The following ABI3BP variants were observed in gnomAD, a reference collection of about 807,000 sequenced individuals.
The protein encoded by ABI3BP is ABI family member 3 binding protein, also known as target of Nesh-SH3.
In ABI3BP, 216 loss-of-function variants were observed where a neutral mutation model predicts 268.6. The ratio of observed to expected loss-of-function variants is 0.80; its 90% CI spans 0.72 to 0.90. The LOEUF (loss-of-function observed/expected upper bound fraction) is 0.90, where lower values mean the gene tolerates loss of function less well. Among genes scored for constraint, ABI3BP ranks in the 40% least tolerant of loss-of-function variants. The pLI is 0.00. For synonymous variants in ABI3BP, 730 were observed against 730.0 expected (o/e 1.00, Z 0.00); for missense variants, 2,090 against 2,182.4 (o/e 0.96, Z 0.84).
At chr3:100,963,764 T>C (rs1472195171) in intron 1 of ABI3BP, among the ~76,000 whole-genome samples, 2 of 152,170 alleles carry the variant, frequency 1.3e-5, no homozygotes, top group African/African-American at 2.4e-5. Context: ...CCATCCACAG[T>C]AGGGTGTCTG....
rs554351684 is a variant in ABI3BP, at chr3:100,986,854, A to G, written c.79+6452T>C. Among the ~76,000 whole-genome samples the G allele has an allele frequency of 2.6e-5, 4 of 152,336 alleles. No individual in the cohort carries two copies. In the South Asian group the frequency reaches 8.3e-4, roughly 32 times the overall value. ...TTAAATATCATGCCTGATACACAGT[A>G]ATATGGTTATCATCTTTTAAAATGT... On this transcript the variant is annotated intron_variant, in intron 1 of 67. Transcript: ENST00000471714.
At chr3:100,823,638 T>C in intron 36 of ABI3BP, 124 bp from the exon 37 acceptor site, 1 of 706,938 alleles carries the variant, frequency 1.4e-6, no homozygotes, top group Non-Finnish European at 2.2e-6. Flanking sequence ...AATTAACTTC[T>C]TAACTGAAGG....
chr3:100,909,410 AATGGGATCT>A (rs1019063659), intron 2 of ABI3BP, among the ~76,000 whole-genome samples: 21 of 152,130 alleles, frequency 1.4e-4, no homozygotes, highest in South Asian at 2.1e-4. Context: ...AAAATAGTCA[AATGGGATCT>A]GATTAAACTA....
chr3:100,912,949 G>T (rs1175478997), intron 2 of ABI3BP, among the ~76,000 whole-genome samples: 1 of 152,186 alleles, frequency 6.6e-6, no homozygotes, highest in Non-Finnish European at 1.5e-5. Flanking sequence ...GTCCCCTGTG[G>T]CCTATTGGTA....
At position 100,838,244 on chromosome 3, in the gene ABI3BP, G is replaced by A; in HGVS notation, c.2049C>T (p.Thr683=). The A allele has an allele frequency of 6.5e-7, 1 of 1,536,456 alleles. No individual in the cohort carries two copies. The highest frequency in any genetic ancestry group is 8.7e-7 in the Non-Finnish European group (1 of 1,146,856). Residue 683 remains threonine, a synonymous_variant, in exon 26 of 68, where the codon ACC becomes ACT. Coordinates refer to ENST00000471714, the MANE Select transcript of ABI3BP (RefSeq NM_001375547.2). ...PPKQLLPKPQ[T]TAEPDMPPTK... ...TTGGTGGCATGTCTGGTTCTGCTGTGGTTTGGGGTTTAGGAAGTAATTGTT... is the reference window on the plus strand; with the variant it reads ...TTGGTGGCATGTCTGGTTCTGCTGTAGTTTGGGGTTTAGGAAGTAATTGTT...
At chr3:100,898,988 A>C in intron 3 of ABI3BP, 94 bp from the exon 4 acceptor site, 1 of 1,325,070 alleles carries the variant, frequency 7.5e-7, no homozygotes, top group African/African-American at 1.5e-5. Context: ...TGGCAAGATG[A>C]TGCAAAATGT....
intron 2 of ABI3BP, chr3:100,912,299 A>AAC (rs2056967600): frequency 6.4e-6 from 1 of 157,238 alleles, no homozygotes; most frequent in African/African-American, 2.4e-5. Flanking sequence ...AAAAAAAAAA[A>AAC]AAAAACAGAC....
At chr3:100,891,468 C>T (rs531159836) in intron 4 of ABI3BP, among the ~76,000 whole-genome samples, 1 of 152,312 alleles carries the variant, frequency 6.6e-6, no homozygotes, top group African/African-American at 2.4e-5. Context: ...TGTCATCTTA[C>T]TAAATTTTGA....
At chr3:100,976,822 T>C (rs1427457301) in intron 1 of ABI3BP, among the ~76,000 whole-genome samples, 1 of 152,112 alleles carries the variant, frequency 6.6e-6, no homozygotes, top group Non-Finnish European at 1.5e-5. Flanking sequence ...GTCTTTAAGC[T>C]ATCTTGGGCA....
At chr3:100,759,852 C>T (rs762987668) in intron 63 of ABI3BP, among the ~76,000 whole-genome samples, 3 of 152,140 alleles carry the variant, frequency 2.0e-5, no homozygotes, top group Non-Finnish European at 4.4e-5. Flanking sequence ...AAATGCCTGA[C>T]GCTTTGGTAG....
At chr3:100,884,461 A>G (rs1268097229) in intron 6 of ABI3BP, among the ~76,000 whole-genome samples, 1 of 152,136 alleles carries the variant, frequency 6.6e-6, no homozygotes, top group Non-Finnish European at 1.5e-5. Flanking sequence ...CATTTGCCTT[A>G]GGCAGATTAA....
chr3:100,888,311 G>A (rs1237830129), intron 4 of ABI3BP, among the ~76,000 whole-genome samples: 1 of 152,078 alleles, frequency 6.6e-6, no homozygotes, highest in Non-Finnish European at 1.5e-5. Context: ...CAAAATATCA[G>A]TGATTTATGA....
At position 100,811,457 on chromosome 3, in the gene ABI3BP, A is replaced by C. The variant is rs9848226; in HGVS notation, c.3494-180T>G. 5.0e-3 allele frequency among the ~76,000 whole-genome samples: 757 copies of C among 152,282 alleles called. 2 individuals are homozygous for C. Among genetic ancestry groups the C allele is most frequent in the African/African-American group, 0.017 (710 of 41,576 alleles). On this transcript the variant is annotated intron_variant, in intron 47 of 67. Coordinates refer to ENST00000471714, the MANE Select transcript of ABI3BP (RefSeq NM_001375547.2). ...TTCTATAATACTAATCCTCCAATTAATATTTATGTTTTAATTGTCATTAAC... is the reference window on the plus strand; with the variant it reads ...TTCTATAATACTAATCCTCCAATTACTATTTATGTTTTAATTGTCATTAAC...
At position 100,837,276 on chromosome 3, in the gene ABI3BP, C is replaced by G. The variant is rs906049368; in HGVS notation, c.2084-105G>C. On this transcript the variant is annotated intron_variant, in intron 26 of 67. Transcript: ENST00000471714. ...CAGAGGACACAGAGTCTAGTTTATTCTAAATTAATATAAATTGCCTTCTTG... is the reference window on the plus strand; with the variant it reads ...CAGAGGACACAGAGTCTAGTTTATTGTAAATTAATATAAATTGCCTTCTTG... 2.3e-5 allele frequency: 19 copies of G among 822,894 alleles called. No individual in the cohort carries two copies. In the African/African-American group the frequency reaches 2.8e-4, roughly 12 times the overall value. The allele number at this position is 822,894 out of a possible 1,614,324, so 51.0% of individuals were successfully genotyped here.
At chr3:100,821,611 T>G (rs973141849) in intron 38 of ABI3BP, among the ~76,000 whole-genome samples, 4 of 148,630 alleles carry the variant, frequency 2.7e-5, no homozygotes, top group Non-Finnish European at 6.0e-5. Flanking sequence ...TTTTTTTTTT[T>G]TTTTTTTTTG....
At chr3:100,863,003 C>A (rs2099014444) in intron 12 of ABI3BP, 94 bp from the exon 13 acceptor site, 1 of 843,334 alleles carries the variant, frequency 1.2e-6, no homozygotes, top group Admixed American at 2.4e-5. Flanking sequence ...AAAGCAAACA[C>A]AAAAAGGCAA....
chr3:100,770,966 G>C lies in ABI3BP; in HGVS notation c.4532-14C>G, dbSNP rs750596795. On this transcript the variant is annotated splice_polypyrimidine_tract_variant and intron_variant, in intron 61 of 67. Transcript: ENST00000471714. ...GCACATGAGGTCCTACGAGAGAGAGGACCCTTGACATTTAACATTTTTGAA... is the reference window on the plus strand; with the variant it reads ...GCACATGAGGTCCTACGAGAGAGAGCACCCTTGACATTTAACATTTTTGAA... The C allele has an allele frequency of 1.4e-5, 21 of 1,511,762 alleles. No individual in the cohort carries two copies. The South Asian group carries it at 2.8e-4, about 20-fold the overall frequency. 93.6% of individuals were successfully genotyped at this position (1,511,762 alleles called of 1,614,324 possible).
intron 19 of ABI3BP, 25 bp downstream of exon 19, chr3:100,847,577 T>C (rs1486831367): frequency 4.4e-6 from 7 of 1,574,982 alleles, no homozygotes; most frequent in South Asian, 1.1e-5. Context: ...AAGCAACACA[T>C]CTACTAAGGA....
In ABI3BP at chr3:100,992,735, G is replaced by A. The variant is rs1409568277; in HGVS notation, c.79+571C>T. 2.0e-5 allele frequency among the ~76,000 whole-genome samples: 3 copies of A among 152,154 alleles called. No individual in the cohort carries two copies. In the East Asian group the frequency reaches 5.8e-4, roughly 29 times the overall value. ...ACTAAAATGAGAGCAATTTAGCCAAGAAAGGGGGGAGTGTCCTGTCCAACA... is the reference window on the plus strand; with the variant it reads ...ACTAAAATGAGAGCAATTTAGCCAAAAAAGGGGGGAGTGTCCTGTCCAACA... On this transcript the variant is annotated intron_variant, in intron 1 of 67. Transcript: ENST00000471714.
Sources: allele counts gnomAD v4.1 joint callset (sites outside exome capture counted in the v4.1 genomes callset), GRCh38; gene constraint gnomAD v4.1.1; transcripts MANE v1.5; gene names NCBI Gene and HGNC (gene_info 2026-07-23, HGNC 2026-07-21).